Variants in COBL observed in about 807,000 individuals in gnomAD.
COBL encodes the protein cordon-bleu WH2 repeat protein, also known as protein cordon-bleu.
Under a neutral mutation model 98.8 loss-of-function variants are expected in COBL, and 51 were observed. The observed-to-expected ratio is 0.52, with a 90% confidence interval of 0.41 to 0.65. The LOEUF (loss-of-function observed/expected upper bound fraction) is 0.65. Among genes scored for constraint, COBL ranks in the 30% least tolerant of loss-of-function variants. The pLI is 0.00. For missense variants in COBL, 1,617 were observed against 1,617.5 expected (o/e 1.00, Z 0.01); for synonymous variants, 634 against 651.7 (o/e 0.97, Z 0.41).
chr7:51,187,033 TAAGAA>T (rs1789591248), intron 4 of COBL, among the ~76,000 whole-genome samples: 1 of 152,146 alleles, frequency 6.6e-6, no homozygotes, highest in African/African-American at 2.4e-5. Flanking sequence ...AATTAAATAT[TAAGAA>T]AAGTGTGGGA....
intron 5 of COBL, among the ~76,000 whole-genome samples, chr7:51,177,201 G>A (rs1302643253): frequency 1.3e-5 from 2 of 152,102 alleles, no homozygotes; most frequent in Non-Finnish European, 2.9e-5. Flanking sequence ...AGAGCTGTGG[G>A]GCAGAGCTAC....
intron 2 of COBL, among the ~76,000 whole-genome samples, chr7:51,215,646 C>A (rs1302609711): frequency 6.6e-6 from 1 of 152,268 alleles, no homozygotes; most frequent in Non-Finnish European, 1.5e-5. Flanking sequence ...ACTTTTGGAA[C>A]AGCCTTCTTG....
chr7:51,124,932 T>C (rs1798068576), intron 6 of COBL, among the ~76,000 whole-genome samples: 1 of 152,140 alleles, frequency 6.6e-6, no homozygotes, highest in South Asian at 2.1e-4. Context: ...GTGTCTCAGC[T>C]TCCTGAGTAG....
rs1207704462 is a variant in COBL at position 51,066,479 on chromosome 7, C to T, written c.1096+18687G>A. 1.3e-5 allele frequency among the ~76,000 whole-genome samples: 2 copies of T among 152,176 alleles called. 1 individual carries two copies. Among genetic ancestry groups the T allele is most frequent in the Middle Eastern group, 6.3e-3 (2 of 316 alleles). On this transcript the variant is annotated intron_variant, in intron 7 of 12. Coordinates refer to ENST00000265136, the MANE Select transcript of COBL (RefSeq NM_015198.5). ...TGGAAGTTAAGCAGGTGCTTGGGAC[C>T]AGACTGGCAAGGTTCAAGTCCTGGC...
At chr7:51,122,263 A>G (rs1036477142) in intron 6 of COBL, among the ~76,000 whole-genome samples, 1 of 152,218 alleles carries the variant, frequency 6.6e-6, no homozygotes, top group African/African-American at 2.4e-5. Flanking sequence ...TTCTCTGCAC[A>G]CTGGCGTTAG....
chr7:51,248,631 T>C (rs186224723), intron 1 of COBL, among the ~76,000 whole-genome samples: 7 of 152,354 alleles, frequency 4.6e-5, no homozygotes, highest in Middle Eastern at 3.4e-3. Flanking sequence ...GATTATTTTC[T>C]AATGGCACAA....
intron 5 of COBL, chr7:51,156,629 T>C (rs1562974216): frequency 1.0e-6 from 1 of 975,278 alleles, no homozygotes; most frequent in East Asian, 1.1e-4. Flanking sequence ...TATTGAGAAA[T>C]AGCTAGTCAT....
chr7:51,029,173 G>A lies in COBL; in HGVS notation c.1923C>T (p.Asp641=). The A allele has an allele frequency of 6.2e-7, 1 of 1,614,174 alleles. No individual in the cohort carries two copies. Among genetic ancestry groups the A allele is most frequent in the Non-Finnish European group, 8.5e-7 (1 of 1,180,030 alleles). ...VTSFASNLHT[D]NLNAKVKDKV... Reference sequence around the variant, plus strand: ...TGTCTTTCACTTTTGCATTTAGGTTGTCTGTGTGAAGATTCGAAGCAAAAG... The same window carrying A: ...TGTCTTTCACTTTTGCATTTAGGTTATCTGTGTGAAGATTCGAAGCAAAAG... The change falls in exon 10 of 13, where the codon GAC becomes GAT. Residue 641 remains aspartate, a synonymous_variant. Transcript: ENST00000265136.
intron 7 of COBL, among the ~76,000 whole-genome samples, chr7:51,069,909 C>T (rs1196552816): frequency 1.3e-5 from 2 of 152,146 alleles, no homozygotes; most frequent in African/African-American, 4.8e-5. Context: ...GATTTATCAA[C>T]CAGGAAACAG....
At chr7:51,121,409 AC>A (rs1797726265) in intron 6 of COBL, among the ~76,000 whole-genome samples, 1 of 152,176 alleles carries the variant, frequency 6.6e-6, no homozygotes, top group Admixed American at 6.5e-5. Context: ...TCCATACAAC[AC>A]ATCCCTTATC....
chr7:51,255,038 A>G (rs776825332), intron 1 of COBL, among the ~76,000 whole-genome samples: 20 of 152,242 alleles, frequency 1.3e-4, no homozygotes, highest in Non-Finnish European at 2.4e-4. Context: ...ACCCAAACAT[A>G]TATTTCTGAA....
intron 7 of COBL, among the ~76,000 whole-genome samples, chr7:51,067,199 C>T (rs920724172): frequency 2.0e-5 from 3 of 152,220 alleles, no homozygotes; most frequent in Admixed American, 6.5e-5. Flanking sequence ...TCTTCACACA[C>T]GTGCAGGCAC....
chr7:51,124,336 G>T (rs1353204660), intron 6 of COBL, among the ~76,000 whole-genome samples: 1 of 151,736 alleles, frequency 6.6e-6, no homozygotes, highest in Non-Finnish European at 1.5e-5. Flanking sequence ...ATTAGCAATT[G>T]GAGATTAGCA....
At chr7:51,046,065 TG>T (rs60937486) in intron 7 of COBL, among the ~76,000 whole-genome samples, 61,600 of 150,992 alleles carry the variant, frequency 0.41, 16,328 homozygotes, top group African/African-American at 0.75. Context: ...CAGGTGGGGG[TG>T]GGGGGGCCTG....
At position 51,145,666 on chromosome 7, in the gene COBL, G is replaced by A. The variant is rs117600666; in HGVS notation, c.784-9335C>T. On this transcript the variant is annotated intron_variant, in intron 5 of 12. Transcript: ENST00000265136. ...AGTGCTGGGATAACAGGAGTGAGCC[G>A]CCACACCTGGCCTGTTATTCCTCTG... 3.1e-4 allele frequency among the ~76,000 whole-genome samples: 47 copies of A among 152,222 alleles called. No homozygotes were observed. In the East Asian group the frequency reaches 7.6e-3, roughly 24 times the overall value.
At chr7:51,066,739 T>C (rs539742791) in intron 7 of COBL, among the ~76,000 whole-genome samples, 70 of 152,236 alleles carry the variant, frequency 4.6e-4, no homozygotes, top group African/African-American at 1.7e-3. Flanking sequence ...CACCCCTCCA[T>C]GGGCTGTACC....
intron 6 of COBL, among the ~76,000 whole-genome samples, chr7:51,130,683 G>C (rs1214435077): frequency 6.6e-6 from 1 of 152,162 alleles, no homozygotes; most frequent in Non-Finnish European, 1.5e-5. Context: ...CCTCTCTGCG[G>C]AACAGGATCA....
chr7:51,138,738 T>C (rs923404188), intron 5 of COBL, among the ~76,000 whole-genome samples: 1 of 152,214 alleles, frequency 6.6e-6, no homozygotes, highest in African/African-American at 2.4e-5. Context: ...AAAGCTGTGG[T>C]AGTCAAAGAA....
At chr7:51,159,852 G>T (rs1289663509) in intron 5 of COBL, among the ~76,000 whole-genome samples, 1 of 152,132 alleles carries the variant, frequency 6.6e-6, no homozygotes, top group African/African-American at 2.4e-5. Context: ...TGGGTTCCAG[G>T]TTTGCATTAG....
Sources: allele counts gnomAD v4.1 joint callset (sites outside exome capture counted in the v4.1 genomes callset), GRCh38; gene constraint gnomAD v4.1.1; transcripts MANE v1.5; gene names NCBI Gene and HGNC (gene_info 2026-07-23, HGNC 2026-07-21).